CDKL1: variants seen among roughly 807,000 people sequenced by gnomAD.
CDKL1 encodes the protein cyclin dependent kinase like 1, also known as cyclin-dependent kinase-like 1.
Under a neutral mutation model 42.0 loss-of-function variants are expected in CDKL1, and 41 were observed. The observed-to-expected ratio is 0.98, with a 90% CI of 0.76 to 1.27. The LOEUF (loss-of-function observed/expected upper bound fraction) is 1.27. Among genes scored for constraint, CDKL1 ranks in the 50% most tolerant of loss-of-function variants. The pLI, the probability that CDKL1 is intolerant of heterozygous loss-of-function variation, is 0.00. For synonymous variants in CDKL1, 153 were observed against 158.6 expected (o/e 0.96, Z 0.26); for missense variants, 394 against 428.4 (o/e 0.92, Z 0.71).
At chr14:50,340,199 A>G (rs1278605781) in intron 6 of CDKL1, among the ~76,000 whole-genome samples, 1 of 152,228 alleles carries the variant, frequency 6.6e-6, no homozygotes, top group Non-Finnish European at 1.5e-5. Flanking sequence ...ATGTCACCCA[A>G]CAAAGTCAAG....
rs1203741875 is a variant in CDKL1, at chr14:50,329,850, T to A, written c.*224A>T. The A allele has an allele frequency of 4.0e-6, 2 of 499,030 alleles. No individual in the cohort carries two copies. The highest frequency in any genetic ancestry group is 4.0e-5 in the African/African-American group (2 of 49,636). 30.9% of individuals were successfully genotyped at this position (499,030 alleles called of 1,614,324 possible). A position where few individuals can be genotyped will look rare whatever the true frequency, so the allele number is the denominator to read the frequency against. On this transcript the variant is annotated 3_prime_UTR_variant, in exon 10 of 10. Coordinates refer to ENST00000395834, the MANE Select transcript of CDKL1 (RefSeq NM_004196.7). ...CTACTTACATAAACTGAAATACAAG[T>A]GCAACTCCAAACAGGTTTTTTCTTT... is the stretch of plus-strand genomic sequence containing the variant.
chr14:50,332,902 A>AAT, intron 8 of CDKL1: 1 of 346,174 alleles, frequency 2.9e-6, no homozygotes. Flanking sequence ...AAAATCAGCT[A>AAT]CTTTTTTTTT....
intron 2 of CDKL1, among the ~76,000 whole-genome samples, chr14:50,373,153 C>T (rs1051221666): frequency 5.9e-5 from 9 of 151,906 alleles, no homozygotes; most frequent in Non-Finnish European, 2.9e-5. Context: ...AATATTAATT[C>T]ACTATGTTAA....
intron 5 of CDKL1, among the ~76,000 whole-genome samples, chr14:50,341,537 G>C (rs1048993877): frequency 6.6e-6 from 1 of 150,762 alleles, no homozygotes; most frequent in Admixed American, 6.7e-5. Context: ...CCAGCACTTT[G>C]GGAGGCCGAG....
chr14:50,362,204 C>G (rs770498742), intron 2 of CDKL1: 1 of 284,080 alleles, frequency 3.5e-6, no homozygotes, highest in Admixed American at 4.9e-5. Context: ...CCTGCGCGGC[C>G]GAGCCTCCAC....
intron 2 of CDKL1, among the ~76,000 whole-genome samples, chr14:50,387,180 C>T: frequency 8.1e-6 from 1 of 123,500 alleles, no homozygotes; most frequent in Non-Finnish European, 1.6e-5. Context: ...GCACTCCAGC[C>T]TGGGCAACAG....
At chr14:50,396,991 G>C, upstream of CDKL1, 1 of 995,286 alleles carries the variant, frequency 1.0e-6, no homozygotes, top group East Asian at 6.7e-5. Context: ...GGCCCAGCCC[G>C]GCCGCCCTCC....
At chr14:50,368,439 A>AT (rs1297041981) in intron 2 of CDKL1, among the ~76,000 whole-genome samples, 9 of 150,822 alleles carry the variant, frequency 6.0e-5, no homozygotes, top group Non-Finnish European at 1.3e-4. Context: ...TATTTTTAAA[A>AT]TTTTTTTAGA....
chr14:50,389,237 C>T (rs2035181130), intron 2 of CDKL1, among the ~76,000 whole-genome samples: 1 of 151,804 alleles, frequency 6.6e-6, no homozygotes, highest in Non-Finnish European at 1.5e-5. Flanking sequence ...ATGCTCTGGA[C>T]ATTCTGCAGG....
At chr14:50,375,796 CAA>C (rs879761807) in intron 2 of CDKL1, among the ~76,000 whole-genome samples, 1 of 139,468 alleles carries the variant, frequency 7.2e-6, no homozygotes, top group Non-Finnish European at 1.6e-5. Flanking sequence ...GACTCCATCT[CAA>C]AAAAAAAAAA....
chr14:50,368,866 C>CTT (rs546628912), intron 2 of CDKL1, among the ~76,000 whole-genome samples: 30 of 131,026 alleles, frequency 2.3e-4, no homozygotes, highest in African/African-American at 5.3e-4. Context: ...AGTTGCCAAC[C>CTT]TTTTTTTTTT....
intron 2 of CDKL1, among the ~76,000 whole-genome samples, chr14:50,366,736 TG>T (rs2034446618): frequency 2.0e-5 from 3 of 151,256 alleles, no homozygotes; most frequent in African/African-American, 7.4e-5. Flanking sequence ...CCGGATGTGG[TG>T]ATCGGCTGGA....
chr14:50,387,969 T>TCACCGC (rs2035136788), intron 2 of CDKL1, among the ~76,000 whole-genome samples: 1 of 152,138 alleles, frequency 6.6e-6, no homozygotes, highest in South Asian at 2.1e-4. Context: ...CTATCTCGAC[T>TCACCGC]CACCGCCACC....
intron 2 of CDKL1, among the ~76,000 whole-genome samples, chr14:50,372,896 A>ATT (rs35841810): frequency 4.9e-4 from 74 of 149,582 alleles, no homozygotes; most frequent in Middle Eastern, 3.5e-3. Flanking sequence ...AATGTGTCTA[A>ATT]TTTTTTTTTT....
intron 7 of CDKL1, among the ~76,000 whole-genome samples, chr14:50,338,251 C>T (rs11570849): frequency 0.012 from 1,838 of 152,224 alleles, 17 homozygotes; most frequent in Non-Finnish European, 0.02. Flanking sequence ...AAGAGTCTTG[C>T]TCTGTCGCCC....
intron 2 of CDKL1, among the ~76,000 whole-genome samples, chr14:50,391,075 T>A (rs1245097227): frequency 6.6e-6 from 1 of 152,158 alleles, no homozygotes; most frequent in African/African-American, 2.4e-5. Flanking sequence ...GCTCGAGAGA[T>A]CAGCACGTTG....
At chr14:50,356,571 C>T (rs1027361336) in intron 3 of CDKL1, among the ~76,000 whole-genome samples, 3 of 152,170 alleles carry the variant, frequency 2.0e-5, no homozygotes, top group Non-Finnish European at 4.4e-5. Flanking sequence ...AGCAATCTAA[C>T]GCAGGAACAG....
intron 3 of CDKL1, among the ~76,000 whole-genome samples, chr14:50,350,776 A>C (rs1446715852): frequency 6.6e-6 from 1 of 152,212 alleles, no homozygotes; most frequent in Non-Finnish European, 1.5e-5. Flanking sequence ...GAAGGGGCTC[A>C]AGAAGGCACT....
intron 3 of CDKL1, among the ~76,000 whole-genome samples, chr14:50,350,282 G>C (rs1595297658): frequency 6.6e-6 from 1 of 152,200 alleles, no homozygotes; most frequent in African/African-American, 2.4e-5. Flanking sequence ...TAAGATATTT[G>C]TTTCCACATT....
Sources: allele counts gnomAD v4.1 joint callset (sites outside exome capture counted in the v4.1 genomes callset), GRCh38; gene constraint gnomAD v4.1.1; transcripts MANE v1.5; gene names NCBI Gene and HGNC (gene_info 2026-07-23, HGNC 2026-07-21).